The following CHLSN variants were observed in gnomAD, a reference collection of about 807,000 sequenced individuals.
CHLSN encodes protein cholesin.
the CHLSN span, chr7:997,291 AG>A: frequency 3.8e-6 from 1 of 262,194 alleles, no homozygotes. Flanking sequence ...GTAGAAAAAT[AG>A]ACATTTCCCT....
the CHLSN span, among the ~76,000 whole-genome samples, chr7:1,107,944 G>T: frequency 4.3e-5 from 5 of 115,000 alleles, no homozygotes; most frequent in Admixed American, 8.3e-5. Context: ...CCCGCACCCC[G>T]GGAGGAAGCA....
the CHLSN span, among the ~76,000 whole-genome samples, chr7:1,038,398 A>T: frequency 3.1e-4 from 21 of 68,496 alleles, no homozygotes; most frequent in South Asian, 5.5e-4. Flanking sequence ...GGGGCCCCTC[A>T]GCCCGGCCAG....
the CHLSN span, among the ~76,000 whole-genome samples, chr7:1,020,824 G>A: frequency 5.3e-5 from 8 of 152,194 alleles, no homozygotes; most frequent in Admixed American, 2.0e-4. Flanking sequence ...TGTGTGAAAC[G>A]GAGGAGTGCA....
the CHLSN span, among the ~76,000 whole-genome samples, chr7:1,095,635 C>T: frequency 9.2e-5 from 14 of 152,228 alleles, no homozygotes; most frequent in African/African-American, 1.4e-4. Context: ...CCACACGGAA[C>T]GTGGTCTGGT....
chr7:1,088,936 G>T, the CHLSN span, among the ~76,000 whole-genome samples: 1 of 151,940 alleles, frequency 6.6e-6, no homozygotes, highest in Non-Finnish European at 1.5e-5. The surrounding 1 kb of genome is among the most constrained non-coding windows in gnomAD (Gnocchi z 4.5). Flanking sequence ...GTCTGGCAAC[G>T]ATCAAAAGAC....
At chr7:985,145 T>C in the CHLSN span, 1 of 1,599,106 alleles carries the variant, frequency 6.3e-7, no homozygotes, top group Non-Finnish European at 8.5e-7. Flanking sequence ...TGGACGTGCC[T>C]GAGGCCCGTC....
chr7:1,027,572 G>A, the CHLSN span, among the ~76,000 whole-genome samples: 1 of 152,272 alleles, frequency 6.6e-6, no homozygotes, highest in Admixed American at 6.5e-5. Context: ...TCTTGAAGGA[G>A]CTGCCGGCCT....
the CHLSN span, among the ~76,000 whole-genome samples, chr7:1,082,855 A>C: frequency 6.6e-6 from 1 of 152,214 alleles, no homozygotes; most frequent in Non-Finnish European, 1.5e-5. Flanking sequence ...GGTGCTACTG[A>C]AGAGAGGATG....
At chr7:1,094,821 T>C in the CHLSN span, among the ~76,000 whole-genome samples, 2 of 152,066 alleles carry the variant, frequency 1.3e-5, no homozygotes, top group Non-Finnish European at 1.5e-5. Flanking sequence ...GGGCCTGTAT[T>C]CTCCATGACC....
chr7:1,122,564 C>A, the CHLSN span, among the ~76,000 whole-genome samples: 1 of 152,164 alleles, frequency 6.6e-6, no homozygotes, highest in Non-Finnish European at 1.5e-5. Context: ...AAAGACCTGC[C>A]GAGTCACATG....
the CHLSN span, among the ~76,000 whole-genome samples, chr7:1,068,843 G>A: frequency 6.6e-6 from 1 of 152,142 alleles, no homozygotes; most frequent in Non-Finnish European, 1.5e-5. Context: ...AAATGCAGCA[G>A]GACAACCCTA....
chr7:1,062,949 AC>A, the CHLSN span, among the ~76,000 whole-genome samples: 1 of 151,972 alleles, frequency 6.6e-6, no homozygotes, highest in South Asian at 2.1e-4. Flanking sequence ...TAACCCCCTA[AC>A]CACCCTAACC....
the CHLSN span, among the ~76,000 whole-genome samples, chr7:1,057,036 G>C: frequency 6.6e-6 from 1 of 152,130 alleles, no homozygotes; most frequent in African/African-American, 2.4e-5. Flanking sequence ...CAAGGCACCG[G>C]GTCCTGAGCT....
chr7:1,038,372 C>G, the CHLSN span, among the ~76,000 whole-genome samples: 1 of 97,542 alleles, frequency 1.0e-5, no homozygotes. Flanking sequence ...GCCCGGCCGC[C>G]CCTACTGGGA....
the CHLSN span, among the ~76,000 whole-genome samples, chr7:1,135,313 C>CTG: frequency 0.11 from 16,119 of 151,806 alleles, 1,486 homozygotes; most frequent in African/African-American, 0.25. Context: ...GCCAACTCAA[C>CTG]TGTGTATATA....
the CHLSN span, among the ~76,000 whole-genome samples, chr7:1,136,455 CATAT>C: frequency 2.0e-5 from 2 of 99,872 alleles, no homozygotes; most frequent in African/African-American, 4.6e-5. Context: ...TATATATAAA[CATAT>C]ATAAACATAT....
chr7:1,057,387 G>T, the CHLSN span: 42 of 603,794 alleles, frequency 7.0e-5, no homozygotes, highest in African/African-American at 7.2e-4. Flanking sequence ...TCTGTGGTCT[G>T]CAGCGATTAC....
At chr7:1,112,788 C>T in the CHLSN span, among the ~76,000 whole-genome samples, 2 of 151,892 alleles carry the variant, frequency 1.3e-5, no homozygotes, top group Non-Finnish European at 2.9e-5. Context: ...GCTTGCAGTG[C>T]GAACGCAAAA....
At chr7:1,016,254 C>T in the CHLSN span, among the ~76,000 whole-genome samples, 1 of 67,654 alleles carries the variant, frequency 1.5e-5, no homozygotes, top group African/African-American at 1.0e-4. Context: ...CAGCAGCGCA[C>T]GCCAGCACAC....
Sources: allele counts gnomAD v4.1 joint callset (sites outside exome capture counted in the v4.1 genomes callset), GRCh38; gene constraint gnomAD v4.1.1; non-coding constraint Gnocchi (gnomAD v3.1); transcripts MANE v1.5; gene names NCBI Gene and HGNC (gene_info 2026-07-23, HGNC 2026-07-21).